Variants in PCDHGB2 observed in about 807,000 individuals in gnomAD.
PCDHGB2 encodes protocadherin gamma-B2.
In PCDHGB2, 55 loss-of-function variants were observed where a neutral mutation model predicts 59.3. The ratio of observed to expected loss-of-function variants is 0.93; its 90% CI spans 0.75 to 1.16. PCDHGB2 has a LOEUF of 1.16. PCDHGB2 is among the 50% of genes most tolerant of loss of function. The probability of loss-of-function intolerance (pLI) is 0.00; values close to 1 mark genes in which losing one functional copy is unlikely to be tolerated. For synonymous variants in PCDHGB2, 516 were observed against 512.0 expected (o/e 1.01, Z -0.11); for missense variants, 1,228 against 1,198.5 (o/e 1.02, Z -0.36).
intron 1 of PCDHGB2, among the ~76,000 whole-genome samples, chr5:141,447,725 C>T (rs1009407606): frequency 1.3e-5 from 2 of 152,174 alleles, no homozygotes; most frequent in African/African-American, 4.8e-5. Context: ...TTTTCCAAAA[C>T]TCATTGAACT....
intron 3 of PCDHGB2, among the ~76,000 whole-genome samples, chr5:141,508,984 C>G (rs1039260828): frequency 4.7e-4 from 72 of 152,154 alleles, no homozygotes; most frequent in African/African-American, 1.7e-3. Context: ...GGGTGGGGGC[C>G]AGCTGGGGTA....
chr5:141,408,597 A>G (rs1389452276), intron 1 of PCDHGB2: 1 of 1,614,042 alleles, frequency 6.2e-7, no homozygotes, highest in Non-Finnish European at 8.5e-7. Context: ...CACGCCCCTC[A>G]ATTTGATAAA....
intron 1 of PCDHGB2, chr5:141,364,199 C>A: frequency 9.0e-7 from 1 of 1,116,560 alleles, no homozygotes; most frequent in Non-Finnish European, 1.2e-6. Context: ...ACACACAGAC[C>A]AGACAAGCTC....
chr5:141,456,335 G>A (rs2098850730), intron 1 of PCDHGB2, among the ~76,000 whole-genome samples: 1 of 152,114 alleles, frequency 6.6e-6, no homozygotes. Flanking sequence ...TTGATCTAAG[G>A]GTCCTCGGAA....
chr5:141,375,235 T>C (rs1335648205), intron 1 of PCDHGB2: 1 of 1,613,872 alleles, frequency 6.2e-7, no homozygotes, highest in Non-Finnish European at 8.5e-7. Flanking sequence ...TGGTAACCTG[T>C]TCCATCCCGA....
At chr5:141,412,922 A>G in intron 1 of PCDHGB2, 1 of 420,478 alleles carries the variant, frequency 2.4e-6, no homozygotes, top group Non-Finnish European at 4.2e-6. Flanking sequence ...ACTTGGGTGC[A>G]GTAACTTCTT....
intron 1 of PCDHGB2, chr5:141,371,614 A>G: frequency 6.2e-7 from 1 of 1,614,024 alleles, no homozygotes; most frequent in Non-Finnish European, 8.5e-7. Flanking sequence ...TTGGTGACAG[A>G]TGGAGCCCTG....
At position 141,405,049 on chromosome 5, in the gene PCDHGB2, C is replaced by T. The variant is rs190786640; in HGVS notation, c.2421+42493C>T. 223 of 1,613,936 alleles carry T rather than the reference C, an allele frequency of 1.4e-4. 1 individual carries two copies. The African/African-American group carries it at 1.9e-3, about 14-fold the overall frequency. On this transcript the variant is annotated intron_variant, in intron 1 of 3. Coordinates refer to ENST00000522605, the MANE Select transcript of PCDHGB2 (RefSeq NM_018923.3). ...TCTACCTCGTTGTGGCTGTGGCAGTCGTCTCCTGTGTCTTCCTCACCTTCG... is the reference window on the plus strand; with the variant it reads ...TCTACCTCGTTGTGGCTGTGGCAGTTGTCTCCTGTGTCTTCCTCACCTTCG...
intron 1 of PCDHGB2, chr5:141,378,052 C>A (rs75561194): frequency 5.8e-4 from 88 of 152,282 alleles, no homozygotes; most frequent in African/African-American, 2.0e-3. Context: ...CCTTATCTAT[C>A]TGACTCAAAT....
chr5:141,469,834 T>C (rs1228732202), intron 1 of PCDHGB2, among the ~76,000 whole-genome samples: 4 of 152,068 alleles, frequency 2.6e-5, no homozygotes, highest in African/African-American at 9.7e-5. Context: ...ACATAAAACT[T>C]ATTCTTAAGA....
At chr5:141,390,285 A>T (rs1428739924) in intron 1 of PCDHGB2, 1 of 1,613,968 alleles carries the variant, frequency 6.2e-7, no homozygotes, top group Non-Finnish European at 8.5e-7. Flanking sequence ...CCATCAGGTG[A>T]GTTTCCTTTA....
chr5:141,376,129 C>G, intron 1 of PCDHGB2: 2 of 1,613,928 alleles, frequency 1.2e-6, no homozygotes, highest in Non-Finnish European at 1.7e-6. Context: ...AGCCCTCCGC[C>G]AAACCCAACG....
At chr5:141,460,088 A>C (rs1225262213) in intron 1 of PCDHGB2, among the ~76,000 whole-genome samples, 2 of 151,990 alleles carry the variant, frequency 1.3e-5, no homozygotes, top group Non-Finnish European at 2.9e-5. Flanking sequence ...AAAAATAATA[A>C]TTATACATGT....
chr5:141,399,589 A>G (rs1460754588), intron 1 of PCDHGB2: 6 of 1,613,866 alleles, frequency 3.7e-6, no homozygotes, highest in Non-Finnish European at 3.4e-6. Context: ...CTACTCTATC[A>G]TGGCCAGCGA....
rs561630104 is a variant in PCDHGB2 at position 141,361,177 on chromosome 5, A to G, written c.1042A>G (p.Ile348Val). ...TGACAACGATTGTGCACCTGAAGTT[A>G]TTGTGACTTCAGTATCTACTCCCCT... ...LDDNDCAPEV[I>V]VTSVSTPLPE... Residue 348 changes from isoleucine to valine, a missense_variant, in exon 1 of 4, where the codon ATT becomes GTT. By Grantham distance (29) the Ile-to-Val change is conservative (BLOSUM62 3). Around this residue, in one of 3 missense-constraint regions of PCDHGB2, gnomAD observed 781 missense variants for 721.6 expected, o/e 1.08. Coordinates refer to ENST00000522605, the MANE Select transcript of PCDHGB2 (RefSeq NM_018923.3). The G allele has an allele frequency of 6.2e-7, 1 of 1,613,966 alleles. No homozygotes were observed. Among genetic ancestry groups the G allele is most frequent in the Non-Finnish European group, 8.5e-7 (1 of 1,179,886 alleles).
chr5:141,390,867 C>CGTGTGTGT (rs61319619), intron 1 of PCDHGB2: 11 of 151,144 alleles, frequency 7.3e-5, no homozygotes, highest in African/African-American at 2.7e-4. Flanking sequence ...GCTGTGTGTG[C>CGTGTGTGT]GTGTGTGTGT....
chr5:141,427,129 T>A lies in PCDHGB2; in HGVS notation c.2421+64573T>A, dbSNP rs752552669. ...GAGATCACCTACTCTTTCAAATCCC[T>A]ACGAGATGATATTGGAAATATGTTT... On this transcript the variant is annotated intron_variant, in intron 1 of 3. Coordinates refer to ENST00000522605, the MANE Select transcript of PCDHGB2 (RefSeq NM_018923.3). 125 of 457,106 alleles carry A rather than the reference T, an allele frequency of 2.7e-4. 2 individuals are homozygous for A. Among genetic ancestry groups the A allele is most frequent in the Non-Finnish European group, 4.0e-5 (9 of 227,024 alleles). The allele number at this position is 457,106 out of a possible 1,614,324, so 28.3% of individuals were successfully genotyped here.
At chr5:141,434,691 A>G (rs1263712056) in intron 1 of PCDHGB2, among the ~76,000 whole-genome samples, 2 of 152,150 alleles carry the variant, frequency 1.3e-5, no homozygotes. Flanking sequence ...GCTTGCTGTT[A>G]ATAAATATGT....
chr5:141,390,526 T>C, intron 1 of PCDHGB2: 1 of 548,274 alleles, frequency 1.8e-6, no homozygotes, highest in East Asian at 3.2e-5. Context: ...AATGAGGGTG[T>C]GGTTTTAACC....
Sources: allele counts gnomAD v4.1 joint callset (sites outside exome capture counted in the v4.1 genomes callset), GRCh38; gene constraint gnomAD v4.1.1; regional missense constraint gnomAD v4.1.1; transcripts MANE v1.5; gene names NCBI Gene and HGNC (gene_info 2026-07-23, HGNC 2026-07-21).